The following GRAMD1B variants were observed in gnomAD, a reference collection of about 807,000 sequenced individuals.
The protein encoded by GRAMD1B is protein Aster-B.
In GRAMD1B, 37 loss-of-function variants were observed where a neutral mutation model predicts 99.7. The ratio of observed to expected loss-of-function variants is 0.37; its 90% confidence interval spans 0.29 to 0.49. The LOEUF (loss-of-function observed/expected upper bound fraction) is 0.49. GRAMD1B is among the 20% of genes least tolerant of loss of function. The pLI is 0.98. For synonymous variants in GRAMD1B, 427 were observed against 387.6 expected (o/e 1.10, Z -1.19); for missense variants, 888 against 1,009.2 (o/e 0.88, Z 1.63).
At chr11:123,573,398 G>A (rs369138995) in intron 2 of GRAMD1B, among the ~76,000 whole-genome samples, 1 of 152,328 alleles carries the variant, frequency 6.6e-6, no homozygotes, top group East Asian at 1.9e-4. Context: ...AAGAGAGAAT[G>A]GATTGAAGCC....
intron 1 of GRAMD1B, among the ~76,000 whole-genome samples, chr11:123,452,914 A>G (rs1457095452): frequency 6.6e-6 from 1 of 152,154 alleles, no homozygotes; most frequent in East Asian, 1.9e-4. Context: ...GGGAAGTGAA[A>G]GTTCGGTCTT....
At chr11:123,527,192 G>A (rs1192103691) in intron 2 of GRAMD1B, among the ~76,000 whole-genome samples, 4 of 152,128 alleles carry the variant, frequency 2.6e-5, no homozygotes, top group Admixed American at 6.5e-5. Flanking sequence ...GTGGGGTGGC[G>A]GCAGGTCACA....
chr11:123,462,908 A>AG (rs1261283927), intron 1 of GRAMD1B, among the ~76,000 whole-genome samples: 2 of 150,484 alleles, frequency 1.3e-5, no homozygotes, highest in African/African-American at 4.9e-5. Flanking sequence ...AAAAAAAAAA[A>AG]AAAAGAAATC....
chr11:123,618,825 C>G, intron 18 of GRAMD1B, 25 bp downstream of exon 18: 1 of 1,160,438 alleles, frequency 8.6e-7, no homozygotes, highest in South Asian at 1.3e-5. Flanking sequence ...GTCCCCTCAC[C>G]TCCACCTTCA....
intron 8 of GRAMD1B, among the ~76,000 whole-genome samples, chr11:123,601,185 T>C (rs2136721695): frequency 6.6e-6 from 1 of 152,224 alleles, no homozygotes; most frequent in Middle Eastern, 3.4e-3. Flanking sequence ...CTAACCCTGA[T>C]GGGTCCCTCC....
At chr11:123,593,230 T>TAAAAC (rs1555091600) in intron 4 of GRAMD1B, among the ~76,000 whole-genome samples, 4 of 151,502 alleles carry the variant, frequency 2.6e-5, no homozygotes, top group Non-Finnish European at 5.9e-5. Context: ...AGACTCTGTC[T>TAAAAC]AAACAAACAA....
intron 2 of GRAMD1B, among the ~76,000 whole-genome samples, chr11:123,481,113 G>A (rs74981324): frequency 2.6e-5 from 4 of 152,296 alleles, no homozygotes; most frequent in Non-Finnish European, 5.9e-5. Flanking sequence ...GAGGCTTTTT[G>A]TGTTCAGCAA....
At chr11:123,450,421 C>T (rs906318310) in intron 1 of GRAMD1B, among the ~76,000 whole-genome samples, 1 of 152,138 alleles carries the variant, frequency 6.6e-6, no homozygotes, top group Non-Finnish European at 1.5e-5. Flanking sequence ...CACTACATGC[C>T]AGATACCGTT....
At chr11:123,548,291 A>AATATATATATATATATATATATAT (rs139996126) in intron 2 of GRAMD1B, among the ~76,000 whole-genome samples, 10 of 75,138 alleles carry the variant, frequency 1.3e-4, no homozygotes, top group Non-Finnish European at 2.0e-4. Flanking sequence ...GCTGTGCCAA[A>AATATATATATATATATATATATAT]ATATATATAT....
chr11:123,524,149 T>G (rs921628677), intron 2 of GRAMD1B, among the ~76,000 whole-genome samples: 5 of 152,132 alleles, frequency 3.3e-5, no homozygotes, highest in African/African-American at 1.2e-4. Flanking sequence ...CGCTTGCTTA[T>G]AGTACCCTAC....
intron 3 of GRAMD1B, among the ~76,000 whole-genome samples, chr11:123,581,585 G>T (rs1054831088): frequency 1.3e-5 from 2 of 152,186 alleles, no homozygotes; most frequent in Admixed American, 6.5e-5. Flanking sequence ...CTGGAGGGGG[G>T]ACCCATTTTT....
At chr11:123,575,834 T>C (rs1252929534) in intron 2 of GRAMD1B, among the ~76,000 whole-genome samples, 1 of 152,206 alleles carries the variant, frequency 6.6e-6, no homozygotes, top group African/African-American at 2.4e-5. Context: ...GAGCCTCTTT[T>C]GAAAGAGGCA....
In GRAMD1B at chr11:123,610,093, C is replaced by T. The variant is rs1953331340; in HGVS notation, c.1777-103C>T. On this transcript the variant is annotated intron_variant, in intron 13 of 19. Transcript: ENST00000635736. This position sits in a 1 kb window ranked among gnomAD's most constrained non-coding sequence, Gnocchi z 4.1. ...TTCCAGTGATCCTGGTTCTCCTGTT[C>T]AGAAGCCGTGGGGTGGGGTGGGCTT... 9.4e-7 allele frequency: 1 copy of T among 1,063,708 alleles called. No individual in the cohort carries two copies. The highest frequency in any genetic ancestry group is 1.4e-6 in the Non-Finnish European group (1 of 711,216). The allele number at this position is 1,063,708 out of a possible 1,614,324, so 65.9% of individuals were successfully genotyped here.
intron 8 of GRAMD1B, among the ~76,000 whole-genome samples, chr11:123,603,089 G>T (rs1423110740): frequency 2.6e-5 from 4 of 152,190 alleles, no homozygotes; most frequent in Admixed American, 2.6e-4. Flanking sequence ...AGTCACATGG[G>T]TTTATGCCAC....
At chr11:123,411,602 C>T (rs1344587268) in intron 1 of GRAMD1B, among the ~76,000 whole-genome samples, 1 of 152,154 alleles carries the variant, frequency 6.6e-6, no homozygotes, top group Non-Finnish European at 1.5e-5. Flanking sequence ...TGACCACTTG[C>T]ACATTCCTGA....
intron 1 of GRAMD1B, among the ~76,000 whole-genome samples, chr11:123,451,837 T>TTATATATATA (rs140732433): frequency 1.2e-4 from 18 of 148,952 alleles, no homozygotes; most frequent in Admixed American, 2.7e-4. Flanking sequence ...TGACAGCAGA[T>TTATATATATA]TATATATATA....
chr11:123,488,590 G>A (rs142436252), intron 2 of GRAMD1B, among the ~76,000 whole-genome samples: 6 of 152,306 alleles, frequency 3.9e-5, no homozygotes, highest in Non-Finnish European at 5.9e-5. Context: ...GGGTGATGAC[G>A]TGTCGGAACG....
At chr11:123,365,411 C>T (rs745666576) in intron 1 of GRAMD1B, among the ~76,000 whole-genome samples, 5 of 152,122 alleles carry the variant, frequency 3.3e-5, no homozygotes, top group Admixed American at 6.6e-5. Flanking sequence ...GCCACCATGC[C>T]CAGCTAATTT....
chr11:123,489,851 T>G (rs1938338615), intron 2 of GRAMD1B, among the ~76,000 whole-genome samples: 1 of 152,330 alleles, frequency 6.6e-6, no homozygotes, highest in South Asian at 2.1e-4. Flanking sequence ...ATAAATTCAT[T>G]TGTTCATTCA....
Sources: allele counts gnomAD v4.1 joint callset (sites outside exome capture counted in the v4.1 genomes callset), GRCh38; gene constraint gnomAD v4.1.1; non-coding constraint Gnocchi (gnomAD v3.1); transcripts MANE v1.5; gene names NCBI Gene and HGNC (gene_info 2026-07-23, HGNC 2026-07-21).